CDK14: variants seen among roughly 807,000 people sequenced by gnomAD.
CDK14 encodes cyclin dependent kinase 14.
Under a neutral mutation model 60.7 loss-of-function variants are expected in CDK14, and 34 were observed. That is an observed-to-expected ratio of 0.56 (90% CI 0.43 to 0.75). CDK14 has a LOEUF of 0.75. CDK14 is among the 30% of genes least tolerant of loss of function. The probability of loss-of-function intolerance (pLI) is 0.00; values close to 1 mark genes in which losing one functional copy is unlikely to be tolerated. For missense variants in CDK14, 482 were observed against 564.1 expected (o/e 0.85, Z 1.47); for synonymous variants, 197 against 203.7 (o/e 0.97, Z 0.28).
At chr7:91,063,217 G>C (rs138794733) in intron 11 of CDK14, among the ~76,000 whole-genome samples, 1 of 152,138 alleles carries the variant, frequency 6.6e-6, no homozygotes, top group African/African-American at 2.4e-5. Flanking sequence ...AATCCTTTTA[G>C]GCCATTATCA....
chr7:90,668,891 T>A (rs999827664), intron 2 of CDK14, among the ~76,000 whole-genome samples: 7 of 148,076 alleles, frequency 4.7e-5, no homozygotes, highest in African/African-American at 1.8e-4. Context: ...TTTTGTTTAT[T>A]TATTTTTTTT....
chr7:91,177,749 AC>A lies in CDK14; in HGVS notation c.*29-29415del, dbSNP rs1175107402. On this transcript the variant is annotated intron_variant, in intron 14 of 14. Transcript: ENST00000380050. ...AATAAAATACCTAGGAATCCAACTT[AC>A]AAGGGATGTGAAGGACCTCTTCAAG... is the stretch of plus-strand genomic sequence containing the variant. 2.2e-5 allele frequency among the ~76,000 whole-genome samples: 3 copies of A among 137,970 alleles called. No homozygotes were observed. The Admixed American group carries it at 2.2e-4, about 10-fold the overall frequency. 90.5% of individuals were successfully genotyped at this position (137,970 alleles called of 152,430 possible). A position where few individuals can be genotyped will look rare whatever the true frequency, so the allele number is the denominator to read the frequency against.
At chr7:90,802,659 G>A (rs1472271286) in intron 5 of CDK14, among the ~76,000 whole-genome samples, 2 of 152,200 alleles carry the variant, frequency 1.3e-5, no homozygotes, top group Non-Finnish European at 2.9e-5. Flanking sequence ...ATTTCTTAAA[G>A]AGGATGAAAA....
chr7:91,072,827 T>C (rs1798193677), intron 11 of CDK14, among the ~76,000 whole-genome samples: 1 of 151,866 alleles, frequency 6.6e-6, no homozygotes, highest in African/African-American at 2.4e-5. Context: ...GGAACATAAA[T>C]GACATGATGG....
intron 10 of CDK14, among the ~76,000 whole-genome samples, chr7:90,998,005 T>G (rs1162096948): frequency 2.0e-5 from 3 of 152,222 alleles, no homozygotes; most frequent in African/African-American, 7.2e-5. Context: ...TGATTTTCAA[T>G]TCCTTATTAA....
intron 5 of CDK14, among the ~76,000 whole-genome samples, chr7:90,841,287 A>G (rs1790281869): frequency 6.6e-6 from 1 of 152,120 alleles, no homozygotes; most frequent in African/African-American, 2.4e-5. Context: ...GTGAACATGA[A>G]CTGTGGACCT....
chr7:90,644,602 C>T (rs1800419423), intron 2 of CDK14, among the ~76,000 whole-genome samples: 1 of 152,222 alleles, frequency 6.6e-6, no homozygotes, highest in Admixed American at 6.5e-5. Flanking sequence ...ACATCCTCTT[C>T]TTAGTGGATA....
intron 7 of CDK14, among the ~76,000 whole-genome samples, chr7:90,900,130 A>G (rs1007384717): frequency 6.6e-6 from 1 of 152,200 alleles, no homozygotes; most frequent in African/African-American, 2.4e-5. Context: ...ACTTTATACC[A>G]TAGTCGAATC....
intron 14 of CDK14, among the ~76,000 whole-genome samples, chr7:91,155,377 G>T (rs1214915622): frequency 6.6e-6 from 1 of 152,188 alleles, no homozygotes; most frequent in East Asian, 1.9e-4. Flanking sequence ...AAAGGTAAAA[G>T]AGTTTGCATT....
At chr7:90,784,439 T>A (rs1302859759) in intron 4 of CDK14, among the ~76,000 whole-genome samples, 3 of 152,214 alleles carry the variant, frequency 2.0e-5, no homozygotes, top group African/African-American at 7.2e-5. Flanking sequence ...CAAAAAGAAA[T>A]GATAAATGGT....
chr7:91,089,571 A>G (rs568526275), intron 12 of CDK14, among the ~76,000 whole-genome samples: 660 of 34,214 alleles, frequency 0.019, 2 homozygotes, highest in African/African-American at 0.037. Context: ...CTCTGAGGGG[A>G]AAAAAAAAAA....
chr7:90,999,109 T>C (rs1795771034), intron 10 of CDK14, among the ~76,000 whole-genome samples: 1 of 151,996 alleles, frequency 6.6e-6, no homozygotes, highest in South Asian at 2.1e-4. Flanking sequence ...CTAGTTCTAA[T>C]TACCTCCCAA....
intron 8 of CDK14, among the ~76,000 whole-genome samples, chr7:90,923,483 C>T (rs1339879899): frequency 6.6e-6 from 1 of 152,096 alleles, no homozygotes; most frequent in African/African-American, 2.4e-5. Flanking sequence ...TGAACTGCAA[C>T]TAATATGCAT....
In CDK14 at chr7:90,685,787, A is replaced by G. The variant is rs571759672; in HGVS notation, c.124-40780A>G. ...AATTTAGAAATTAGGAAGAACTGATATGTGTAAAATATTCAAGTCTTACTG... is the reference window on the plus strand; with the variant it reads ...AATTTAGAAATTAGGAAGAACTGATGTGTGTAAAATATTCAAGTCTTACTG... On this transcript the variant is annotated intron_variant, in intron 2 of 14. Transcript: ENST00000380050. Among the ~76,000 whole-genome samples, 3 of 151,124 alleles carry G rather than the reference A, an allele frequency of 2.0e-5. No individual in the cohort carries two copies. The South Asian group carries it at 6.2e-4, about 31-fold the overall frequency.
chr7:90,857,359 A>G (rs1346795777), intron 5 of CDK14, among the ~76,000 whole-genome samples: 2 of 152,158 alleles, frequency 1.3e-5, no homozygotes, highest in Admixed American at 6.5e-5. Context: ...GCATCCCTCT[A>G]TCCTACTGGG....
chr7:90,700,734 A>G (rs1801766372), intron 2 of CDK14, among the ~76,000 whole-genome samples: 1 of 152,118 alleles, frequency 6.6e-6, no homozygotes, highest in Non-Finnish European at 1.5e-5. Context: ...TTGATTACCT[A>G]AAGTGAAAAT....
At chr7:91,112,992 T>TCTGCAGC (rs1324143318) in intron 13 of CDK14, among the ~76,000 whole-genome samples, 1 of 152,166 alleles carries the variant, frequency 6.6e-6, no homozygotes. Flanking sequence ...TGCTCTGCAG[T>TCTGCAGC]CTGCAGCTGT....
chr7:90,949,163 T>C (rs1029733957), intron 8 of CDK14, among the ~76,000 whole-genome samples: 1 of 152,142 alleles, frequency 6.6e-6, no homozygotes, highest in Non-Finnish European at 1.5e-5. Flanking sequence ...AAAAATTATA[T>C]ATATGTGTGT....
intron 5 of CDK14, among the ~76,000 whole-genome samples, chr7:90,813,261 C>T (rs1170778509): frequency 6.6e-6 from 1 of 152,152 alleles, no homozygotes; most frequent in African/African-American, 2.4e-5. Flanking sequence ...AAAAAGTTGC[C>T]TGGGACGAGC....
Sources: allele counts gnomAD v4.1 joint callset (sites outside exome capture counted in the v4.1 genomes callset), GRCh38; gene constraint gnomAD v4.1.1; transcripts MANE v1.5; gene names NCBI Gene and HGNC (gene_info 2026-07-23, HGNC 2026-07-21).